The following CMTM8 variants were observed in gnomAD, a reference collection of about 807,000 sequenced individuals.
CMTM8 encodes CKLF like MARVEL transmembrane domain containing 8.
A neutral mutation model predicts 18.6 loss-of-function variants in CMTM8; 12 were observed. That is an observed-to-expected ratio of 0.65 (90% CI 0.41 to 1.05). The LOEUF (loss-of-function observed/expected upper bound fraction) is 1.05. Ranked by LOEUF, CMTM8 falls within the 50% of genes least tolerant of loss-of-function variation. CMTM8 has a pLI of 0.00. For synonymous variants in CMTM8, 87 were observed against 90.6 expected, an observed-to-expected ratio of 0.96 and a Z score of 0.23; for missense variants, 217 against 227.2, an observed-to-expected ratio of 0.95 and a Z score of 0.29.
chr3:32,351,040 G>A (rs1696697882), intron 1 of CMTM8, among the ~76,000 whole-genome samples: 1 of 152,298 alleles, frequency 6.6e-6, no homozygotes, highest in East Asian at 1.9e-4. Context: ...AGGGTTTTTG[G>A]AGGGAGCAAA....
intron 1 of CMTM8, among the ~76,000 whole-genome samples, chr3:32,317,664 G>C (rs187713546): frequency 6.6e-5 from 10 of 152,242 alleles, no homozygotes; most frequent in Admixed American, 5.2e-4. Flanking sequence ...AGCACTGTTT[G>C]CAATAGGAGG....
rs1351656751 is a variant in CMTM8, at chr3:32,322,468, C to T, written c.148-34905C>T. ...TAATGTTTCCCGGTGAGAGTAATCT[C>T]CTCATGGACTGATAACCTAAGTAGC... is the stretch of plus-strand genomic sequence containing the variant. On this transcript the variant is annotated intron_variant, in intron 1 of 3. Transcript: ENST00000307526. 3.3e-5 allele frequency among the ~76,000 whole-genome samples: 5 copies of T among 152,186 alleles called. No homozygotes were observed. In the East Asian group the frequency reaches 7.7e-4, roughly 23 times the overall value.
At chr3:32,297,700 T>G (rs1695504542) in intron 1 of CMTM8, among the ~76,000 whole-genome samples, 1 of 151,988 alleles carries the variant, frequency 6.6e-6, no homozygotes, top group African/African-American at 2.4e-5. Context: ...AAGATAACAA[T>G]TTCTTCTATT....
At chr3:32,339,813 A>C (rs770838312) in intron 1 of CMTM8, among the ~76,000 whole-genome samples, 1 of 152,124 alleles carries the variant, frequency 6.6e-6, no homozygotes. Context: ...AATACAAAAA[A>C]TTAGCCAGGT....
chr3:32,341,842 T>C (rs1175456072), intron 1 of CMTM8, among the ~76,000 whole-genome samples: 1 of 149,072 alleles, frequency 6.7e-6, no homozygotes, highest in Non-Finnish European at 1.5e-5. Context: ...GCCGCTGCAC[T>C]CTAGCCTGGG....
intron 1 of CMTM8, among the ~76,000 whole-genome samples, chr3:32,269,998 T>TC (rs1361680270): frequency 1.3e-5 from 2 of 151,958 alleles, no homozygotes; most frequent in African/African-American, 2.4e-5. Context: ...GGTCTCAAAC[T>TC]CCTATACTCA....
chr3:32,335,380 AGGTGGTG>A (rs1246570687), intron 1 of CMTM8, among the ~76,000 whole-genome samples: 4 of 152,168 alleles, frequency 2.6e-5, no homozygotes, highest in African/African-American at 9.7e-5. Flanking sequence ...CAGGCGCACT[AGGTGGTG>A]GGTGGTGGAA....
At chr3:32,341,378 A>G (rs1245064384) in intron 1 of CMTM8, among the ~76,000 whole-genome samples, 1 of 152,206 alleles carries the variant, frequency 6.6e-6, no homozygotes, top group African/African-American at 2.4e-5. Flanking sequence ...TGTCTCAAAC[A>G]CCAGCCTATT....
chr3:32,275,322 A>G (rs1486649698), intron 1 of CMTM8, among the ~76,000 whole-genome samples: 2 of 152,170 alleles, frequency 1.3e-5, no homozygotes, highest in Non-Finnish European at 2.9e-5. Context: ...TCTGAGCAGA[A>G]TGACACAGAA....
At chr3:32,361,289 T>TTTTTTTTGTTTTTTTG (rs200857947) in intron 2 of CMTM8, among the ~76,000 whole-genome samples, 1 of 143,646 alleles carries the variant, frequency 7.0e-6, no homozygotes, top group Non-Finnish European at 1.5e-5. Context: ...CCTAAGAGTT[T>TTTTTTTTGTTTTTTTG]TTTTTTCTTT....
chr3:32,347,386 G>A (rs1209061973), intron 1 of CMTM8, among the ~76,000 whole-genome samples: 8 of 149,522 alleles, frequency 5.4e-5, no homozygotes, highest in Admixed American at 2.7e-4. Context: ...ACCAGCACAC[G>A]CTGACGGGGC....
rs139218342 is a variant in CMTM8 at position 32,369,477 on chromosome 3, A to T, written c.439-407A>T. 8.4e-4 allele frequency among the ~76,000 whole-genome samples: 128 copies of T among 152,282 alleles called. No homozygotes were observed. In the East Asian group the frequency reaches 0.02, roughly 23 times the overall value. ...GCCTGCATTTTCCTCCTCCCTGTTCACACCTCACATACCATGTGGGCTCAT... is the reference window on the plus strand; with the variant it reads ...GCCTGCATTTTCCTCCTCCCTGTTCTCACCTCACATACCATGTGGGCTCAT... On this transcript the variant is annotated intron_variant, in intron 3 of 3. Coordinates refer to ENST00000307526, the MANE Select transcript of CMTM8 (RefSeq NM_178868.5).
intron 1 of CMTM8, among the ~76,000 whole-genome samples, chr3:32,252,975 C>T (rs575162801): frequency 6.6e-6 from 1 of 152,050 alleles, no homozygotes; most frequent in Admixed American, 6.5e-5. Flanking sequence ...ATGATTTGAG[C>T]AGTATGAATG....
At position 32,357,675 on chromosome 3, in the gene CMTM8, A is replaced by G. The variant is rs1420705534; in HGVS notation, c.321+129A>G. ...GGCCATACCATGGAGAACTCAACACAGCAGATAATCTCAGCATCATCTAAT... is the reference window on the plus strand; with the variant it reads ...GGCCATACCATGGAGAACTCAACACGGCAGATAATCTCAGCATCATCTAAT... On this transcript the variant is annotated intron_variant, in intron 2 of 3. Coordinates refer to ENST00000307526, the MANE Select transcript of CMTM8 (RefSeq NM_178868.5). The G allele has an allele frequency of 1.2e-5, 10 of 866,688 alleles. No individual in the cohort carries two copies. In the East Asian group the frequency reaches 2.5e-4, roughly 22 times the overall value. 53.7% of individuals were successfully genotyped at this position (866,688 alleles called of 1,614,324 possible). A position where few individuals can be genotyped will look rare whatever the true frequency, so the allele number is the denominator to read the frequency against.
chr3:32,357,369 A>T lies in CMTM8; in HGVS notation c.148-4A>T, dbSNP rs191360506. ...CTCTCTCCACTGCTTCTACCACTTT[A>T]CAGGTTCTGGGGCTGCTGGTATGGA... On this transcript the variant is annotated splice_polypyrimidine_tract_variant and splice_region_variant and intron_variant, in intron 1 of 3. Coordinates refer to ENST00000307526, the MANE Select transcript of CMTM8 (RefSeq NM_178868.5). The T allele has an allele frequency of 1.1e-4, 174 of 1,612,372 alleles. No individual in the cohort carries two copies. In the African/African-American group the frequency reaches 2.1e-3, roughly 20 times the overall value.
At chr3:32,306,972 G>C (rs1197586067) in intron 1 of CMTM8, among the ~76,000 whole-genome samples, 2 of 152,222 alleles carry the variant, frequency 1.3e-5, no homozygotes, top group Non-Finnish European at 1.5e-5. Context: ...ACTTTGGGAG[G>C]CCGAGGTAGG....
intron 1 of CMTM8, among the ~76,000 whole-genome samples, chr3:32,337,967 C>G (rs1696418618): frequency 7.0e-6 from 1 of 142,788 alleles, no homozygotes. Flanking sequence ...AAAATATTTA[C>G]TATTTGGCCT....
At chr3:32,240,784 T>C (rs1265545368) in intron 1 of CMTM8, among the ~76,000 whole-genome samples, 2 of 152,124 alleles carry the variant, frequency 1.3e-5, no homozygotes, top group African/African-American at 4.8e-5. Flanking sequence ...ATGCACCTTT[T>C]TTGTTTGTTT....
intron 1 of CMTM8, among the ~76,000 whole-genome samples, chr3:32,254,442 G>A (rs1042922921): frequency 1.4e-4 from 22 of 152,138 alleles, no homozygotes; most frequent in African/African-American, 4.3e-4. Context: ...GTCTGAGAAC[G>A]TGTCTTTCAA....
Sources: gnomAD v4.1 joint callset for allele counts (sites outside exome capture counted in the v4.1 genomes callset) on GRCh38, gnomAD v4.1.1 for gene constraint, MANE v1.5 for transcripts, NCBI Gene and HGNC (gene_info 2026-07-23, HGNC 2026-07-21) for gene names.